Variants in KLF12 observed in about 807,000 individuals in gnomAD.
KLF12 encodes KLF transcription factor 12.
In KLF12, 9 loss-of-function variants were observed where a neutral mutation model predicts 37.8. The ratio of observed to expected loss-of-function variants is 0.24; its 90% CI spans 0.14 to 0.42. The LOEUF (loss-of-function observed/expected upper bound fraction) is 0.42. Among genes scored for constraint, KLF12 ranks in the 10% least tolerant of loss-of-function variants. The pLI is 1.00. For missense variants in KLF12, 411 were observed against 516.0 expected (o/e 0.80, Z 1.97); for synonymous variants, 208 against 202.1 (o/e 1.03, Z -0.25).
At chr13:74,279,859 T>G in the KLF12 span, among the ~76,000 whole-genome samples, 2 of 152,200 alleles carry the variant, frequency 1.3e-5, no homozygotes, top group African/African-American at 4.8e-5. Flanking sequence ...TTTTGACTTA[T>G]TCTCATGGTT....
At chr13:74,183,832 G>T in the KLF12 span, among the ~76,000 whole-genome samples, 1 of 152,178 alleles carries the variant, frequency 6.6e-6, no homozygotes, top group Non-Finnish European at 1.5e-5. Context: ...AGCTACTCAG[G>T]TGGCTGTGGT....
chr13:73,732,535 T>C (rs538001071), intron 6 of KLF12, among the ~76,000 whole-genome samples: 5 of 151,848 alleles, frequency 3.3e-5, no homozygotes, highest in African/African-American at 9.7e-5. Flanking sequence ...GGCAGAGGAG[T>C]TGCTCAATAG....
chr13:74,118,113 C>A (rs1357950328), intron 1 of KLF12, among the ~76,000 whole-genome samples: 1 of 152,124 alleles, frequency 6.6e-6, no homozygotes, highest in Non-Finnish European at 1.5e-5. Context: ...AAGTCCTTAT[C>A]TGCTAGACAA....
At chr13:74,260,580 A>G in the KLF12 span, among the ~76,000 whole-genome samples, 1 of 84,406 alleles carries the variant, frequency 1.2e-5, no homozygotes, top group Non-Finnish European at 2.1e-5. Flanking sequence ...AAAATAAATA[A>G]AATAAAATAA....
chr13:74,058,123 C>T (rs368161621), intron 1 of KLF12, among the ~76,000 whole-genome samples: 16 of 151,532 alleles, frequency 1.1e-4, no homozygotes, highest in Non-Finnish European at 2.2e-4. Context: ...TGCACCATCA[C>T]GCCCAGCTAA....
chr13:73,862,350 T>C (rs1885972360), intron 3 of KLF12, among the ~76,000 whole-genome samples: 2 of 152,178 alleles, frequency 1.3e-5, no homozygotes, highest in African/African-American at 2.4e-5. Flanking sequence ...ATGAATCACA[T>C]TTTACAGATA....
intron 4 of KLF12, among the ~76,000 whole-genome samples, chr13:73,815,229 G>A (rs1484345610): frequency 1.3e-5 from 2 of 152,172 alleles, no homozygotes; most frequent in Non-Finnish European, 2.9e-5. Context: ...AGAAACTGTA[G>A]GGCAAAGCAA....
intron 6 of KLF12, 38 bp downstream of exon 6, chr13:73,764,900 T>G (rs1212825211): frequency 8.3e-7 from 1 of 1,206,362 alleles, no homozygotes; most frequent in South Asian, 1.3e-5. Flanking sequence ...AAGTTTCCCG[T>G]AAGACCTACA....
intron 5 of KLF12, among the ~76,000 whole-genome samples, chr13:73,806,307 T>C (rs1004618625): frequency 8.6e-5 from 13 of 151,804 alleles, no homozygotes; most frequent in East Asian, 1.9e-4. Flanking sequence ...TTTCACCACG[T>C]TGGCCAGGCT....
chr13:74,074,492 T>C (rs147863139), intron 1 of KLF12, among the ~76,000 whole-genome samples: 1,757 of 152,250 alleles, frequency 0.012, 16 homozygotes, highest in Non-Finnish European at 0.017. Context: ...ACTCCATAAT[T>C]CAGTGGATCC....
intron 6 of KLF12, among the ~76,000 whole-genome samples, chr13:73,723,947 G>C (rs1376978431): frequency 2.0e-5 from 3 of 152,168 alleles, no homozygotes; most frequent in Non-Finnish European, 2.9e-5. Flanking sequence ...TGGTGGGAGT[G>C]CAAATTAGTT....
intron 3 of KLF12, among the ~76,000 whole-genome samples, chr13:73,889,428 C>T (rs1214890263): frequency 6.6e-6 from 1 of 152,050 alleles, no homozygotes; most frequent in African/African-American, 2.4e-5. Context: ...TGTGTAATGT[C>T]TACAATGTGG....
the KLF12 span, among the ~76,000 whole-genome samples, chr13:74,242,110 A>ATG: frequency 6.6e-6 from 1 of 152,232 alleles, no homozygotes; most frequent in African/African-American, 2.4e-5. Flanking sequence ...ATGTTTGTTA[A>ATG]TGATGTTACT....
At chr13:73,727,350 T>C (rs1310050386) in intron 6 of KLF12, among the ~76,000 whole-genome samples, 6 of 152,220 alleles carry the variant, frequency 3.9e-5, no homozygotes, top group African/African-American at 1.4e-4. Context: ...ACATGATCAA[T>C]TGTTGAGTTC....
intron 7 of KLF12, among the ~76,000 whole-genome samples, chr13:73,712,338 C>CAAAAAAAA (rs752694466): frequency 5.9e-4 from 25 of 42,058 alleles, no homozygotes; most frequent in South Asian, 9.7e-4. Flanking sequence ...AACTCCATGT[C>CAAAAAAAA]AAAAAAAAAA....
chr13:74,072,728 C>T (rs1874345457), intron 1 of KLF12, among the ~76,000 whole-genome samples: 1 of 152,048 alleles, frequency 6.6e-6, no homozygotes, highest in South Asian at 2.1e-4. Context: ...TGTATAAATA[C>T]ATACATACAT....
At position 73,696,718 on chromosome 13, in the gene KLF12, C is replaced by A. The variant is rs12865819; in HGVS notation, c.1028-1047G>T. ...AGCTACAAAGGGGGTATTGTTGACA[C>A]CACTTCACAGATGAGAAAACTGAGG... is the stretch of plus-strand genomic sequence containing the variant. On this transcript the variant is annotated intron_variant, in intron 7 of 7. Transcript: ENST00000377669. Among the ~76,000 whole-genome samples, 541 of 152,254 alleles carry A rather than the reference C, an allele frequency of 3.6e-3. 2 individuals carry two copies. Among genetic ancestry groups the A allele is most frequent in the Admixed American group, 7.8e-3 (119 of 15,284 alleles).
At chr13:74,185,067 C>A in the KLF12 span, among the ~76,000 whole-genome samples, 2 of 152,108 alleles carry the variant, frequency 1.3e-5, no homozygotes, top group East Asian at 3.9e-4. Context: ...TGGCCCTACT[C>A]CCTGGGAACT....
chr13:74,233,237 G>T, the KLF12 span, among the ~76,000 whole-genome samples: 1 of 152,014 alleles, frequency 6.6e-6, no homozygotes, highest in African/African-American at 2.4e-5. Context: ...GTTGTTGTCG[G>T]CCTACATGGG....
Sources: gnomAD v4.1 joint callset for allele counts (sites outside exome capture counted in the v4.1 genomes callset) on GRCh38, gnomAD v4.1.1 for gene constraint, MANE v1.5 for transcripts, NCBI Gene and HGNC (gene_info 2026-07-23, HGNC 2026-07-21) for gene names.